Variants in FDFT1 observed in about 807,000 individuals in gnomAD.
FDFT1 encodes squalene synthase.
Under a neutral mutation model 46.8 loss-of-function variants are expected in FDFT1, and 68 were observed. The ratio of observed to expected loss-of-function variants is 1.45; its 90% CI spans 1.19 to 1.78. The LOEUF is 1.78. Among genes scored for constraint, FDFT1 ranks in the 40% most tolerant of loss-of-function variants. The pLI is 0.00. For synonymous variants in FDFT1, 351 were observed against 185.1 expected (o/e 1.90, Z -7.28); for missense variants, 928 against 524.4 (o/e 1.77, Z -7.52).
chr8:11,802,703 C>A (rs559163370), upstream of FDFT1: 112 of 702,530 alleles, frequency 1.6e-4, 1 homozygote, highest in South Asian at 2.0e-3. Flanking sequence ...GGCGGGGCGT[C>A]GCCGTACTAG....
chr8:11,808,922 G>A (rs753612840), intron 2 of FDFT1, 31 bp downstream of exon 2: 3 of 1,605,714 alleles, frequency 1.9e-6, no homozygotes. Flanking sequence ...CTCTGGCTTG[G>A]AGGAAAGCTT....
chr8:11,821,427 C>T (rs1585941466), intron 3 of FDFT1, among the ~76,000 whole-genome samples: 1 of 152,246 alleles, frequency 6.6e-6, no homozygotes, highest in East Asian at 1.9e-4. Context: ...CCCACTTCTA[C>T]TAAAAATATA....
chr8:11,801,078 T>C (rs1806069988), upstream of FDFT1, among the ~76,000 whole-genome samples: 1 of 152,156 alleles, frequency 6.6e-6, no homozygotes, highest in Admixed American at 6.5e-5. Context: ...CAGGTGGGTC[T>C]AGATGAGGTG....
At chr8:11,821,114 C>T (rs1218050549) in intron 3 of FDFT1, among the ~76,000 whole-genome samples, 1 of 152,200 alleles carries the variant, frequency 6.6e-6, no homozygotes, top group African/African-American at 2.4e-5. Context: ...ATGAATCTTT[C>T]TCATAATGAG....
rs201022112 is a variant in FDFT1, at chr8:11,821,811, G to A, written c.443G>A (p.Arg148Gln). 98 of 1,613,572 alleles carry A rather than the reference G, an allele frequency of 6.1e-5. No individual in the cohort carries two copies. Among genetic ancestry groups the A allele is most frequent in the African/African-American group, 4.0e-4 (30 of 74,896 alleles). Residue 148 changes from arginine to glutamine, a missense_variant, in exon 4 of 8, where the codon CGG becomes CAG. Transcript: ENST00000220584. The stretch of plus-strand genomic sequence containing the variant: ...CAAACAGTGATTGCCGACATTTGCC[G>A]GAGAATGGGCATTGGGATGGCAGAG... The part of the protein sequence containing the change: ...KYQTVIADIC[R>Q]RMGIGMAEFL...
chr8:11,808,359 G>T (rs1462469790), intron 1 of FDFT1: 1 of 1,235,180 alleles, frequency 8.1e-7, no homozygotes, highest in East Asian at 3.2e-5. Context: ...GTGCGGAGCG[G>T]GAGGCCGGGG....
chr8:11,802,861 C>G lies in FDFT1; in HGVS notation c.29C>G (p.Pro10Arg), dbSNP rs781458334. 1.9e-6 allele frequency: 3 copies of G among 1,612,026 alleles called. No homozygotes were observed. Among genetic ancestry groups the G allele is most frequent in the Non-Finnish European group, 1.7e-6 (2 of 1,179,024 alleles). MEFVKCLGHPEEFYNLVRFR... is the reference protein window; with the variant it reads MEFVKCLGHREEFYNLVRFR... ...GAGTTCGTGAAATGCCTTGGCCACCCCGAAGAGTTCTACAACCTGGTGCGC... is the reference window on the plus strand; with the variant it reads ...GAGTTCGTGAAATGCCTTGGCCACCGCGAAGAGTTCTACAACCTGGTGCGC... The change falls in exon 1 of 8, where the codon CCC becomes CGC. Residue 10 changes from proline (P) to arginine (R), a missense_variant. Coordinates refer to ENST00000220584, the MANE Select transcript of FDFT1 (RefSeq NM_004462.5).
intron 2 of FDFT1, 27 bp from the exon 3 acceptor site, chr8:11,809,640 A>G: frequency 6.4e-7 from 1 of 1,568,442 alleles, no homozygotes. Flanking sequence ...TTGTTCCAAT[A>G]TATTAATAGT....
At chr8:11,838,309 C>G (rs936496910) in intron 7 of FDFT1, 79 bp from the exon 8 acceptor site, 2 of 1,073,940 alleles carry the variant, frequency 1.9e-6, no homozygotes, top group Non-Finnish European at 2.9e-6. Flanking sequence ...AAAATACCTG[C>G]CAGTGGAGGG....
At chr8:11,797,616 C>T (rs1261969329), upstream of FDFT1, among the ~76,000 whole-genome samples, 1 of 117,668 alleles carries the variant, frequency 8.5e-6, no homozygotes, top group Non-Finnish European at 1.6e-5. Flanking sequence ...ACATAAGACC[C>T]TGTCTGTCTC....
At chr8:11,798,080 A>ATTTTTGTT (rs1298445965), upstream of FDFT1, 1 of 152,090 alleles carries the variant, frequency 6.6e-6, no homozygotes, top group East Asian at 1.9e-4. Context: ...GTGTGTTTTT[A>ATTTTTGTT]TTTTTTATTT....
At chr8:11,805,904 A>T (rs1405775763) in intron 1 of FDFT1, among the ~76,000 whole-genome samples, 1 of 152,192 alleles carries the variant, frequency 6.6e-6, no homozygotes, top group Non-Finnish European at 1.5e-5. Flanking sequence ...TAAAGGGTTG[A>T]TTGAGTAAGG....
At chr8:11,816,460 G>T (rs1328663389) in intron 3 of FDFT1, among the ~76,000 whole-genome samples, 40 of 152,342 alleles carry the variant, frequency 2.6e-4, no homozygotes, top group Admixed American at 2.6e-3. Flanking sequence ...ACCTTGGGCA[G>T]TATAGCCATT....
At chr8:11,807,331 T>A (rs1481814876) in intron 1 of FDFT1, among the ~76,000 whole-genome samples, 3 of 31,174 alleles carry the variant, frequency 9.6e-5, no homozygotes, top group African/African-American at 1.4e-4. Flanking sequence ...AAAAATTTTT[T>A]AAAAACTTTT....
chr8:11,822,217 G>A (rs1207320216), intron 4 of FDFT1, among the ~76,000 whole-genome samples: 2 of 152,180 alleles, frequency 1.3e-5, no homozygotes, highest in Non-Finnish European at 1.5e-5. Flanking sequence ...GTGTTTGTGA[G>A]ACTTACTCAT....
chr8:11,827,714 T>C (rs1467268883), intron 5 of FDFT1, among the ~76,000 whole-genome samples: 12 of 152,114 alleles, frequency 7.9e-5, no homozygotes, highest in Non-Finnish European at 1.6e-4. Context: ...TCTGAAAAGA[T>C]GCTGAGTCTT....
At chr8:11,837,923 C>T (rs968155387) in intron 7 of FDFT1, among the ~76,000 whole-genome samples, 1 of 152,092 alleles carries the variant, frequency 6.6e-6, no homozygotes, top group Admixed American at 6.5e-5. Context: ...TCATACGGCT[C>T]CCTGCTTCTG....
intron 4 of FDFT1, among the ~76,000 whole-genome samples, chr8:11,822,446 G>C (rs1389406066): frequency 6.6e-6 from 1 of 152,176 alleles, no homozygotes; most frequent in African/African-American, 2.4e-5. Flanking sequence ...CTTGACAGCA[G>C]TTATCTTTGG....
upstream of FDFT1, chr8:11,802,705 C>T (rs1249819874): frequency 9.9e-6 from 7 of 709,584 alleles, no homozygotes; most frequent in South Asian, 3.6e-5. Context: ...CGGGGCGTCG[C>T]CGTACTAGGC....
Sources: allele counts gnomAD v4.1 joint callset (sites outside exome capture counted in the v4.1 genomes callset), GRCh38; gene constraint gnomAD v4.1.1; transcripts MANE v1.5; gene names NCBI Gene and HGNC (gene_info 2026-07-23, HGNC 2026-07-21).